Variants in OXR1 observed in about 807,000 individuals in gnomAD.
The protein encoded by OXR1 is oxidation resistance protein 1.
Under a neutral mutation model 104.6 loss-of-function variants are expected in OXR1, and 41 were observed. The observed-to-expected ratio is 0.39, with a 90% CI of 0.31 to 0.51. The LOEUF is 0.51. OXR1 is among the 20% of genes least tolerant of loss of function. The probability of loss-of-function intolerance (pLI) is 0.77; values close to 1 mark genes in which losing one functional copy is unlikely to be tolerated. For missense variants in OXR1, 955 were observed against 1,031.9 expected, an observed-to-expected ratio of 0.93 and a Z score of 1.02; for synonymous variants, 348 against 348.4, an observed-to-expected ratio of 1.00 and a Z score of 0.01.
chr8:106,684,035 T>G (rs1436101567), intron 5 of OXR1, among the ~76,000 whole-genome samples: 1 of 152,218 alleles, frequency 6.6e-6, no homozygotes, highest in African/African-American at 2.4e-5. Context: ...AATTAATGTT[T>G]CCTCACCCTA....
chr8:106,376,956 G>A (rs555612770), intron 2 of OXR1, among the ~76,000 whole-genome samples: 1 of 152,092 alleles, frequency 6.6e-6, no homozygotes, highest in East Asian at 1.9e-4. Flanking sequence ...TATACTAATT[G>A]CTACTTTTTA....
At chr8:106,283,924 G>T (rs553532424) in intron 1 of OXR1, among the ~76,000 whole-genome samples, 81 of 152,112 alleles carry the variant, frequency 5.3e-4, no homozygotes, top group African/African-American at 1.9e-3. Flanking sequence ...AGTGACATCT[G>T]CCAAATCAAA....
At chr8:106,697,768 G>A (rs1224431423) in intron 7 of OXR1, 3 of 1,612,942 alleles carry the variant, frequency 1.9e-6, no homozygotes, top group East Asian at 4.5e-5. Flanking sequence ...CATGGTGGAG[G>A]CCTGGATCTT....
intron 2 of OXR1, among the ~76,000 whole-genome samples, chr8:106,428,707 T>C (rs1319575225): frequency 6.6e-6 from 1 of 152,036 alleles, no homozygotes; most frequent in Non-Finnish European, 1.5e-5. Flanking sequence ...ATTAGAACTT[T>C]GATATATTGG....
At chr8:106,354,534 C>G (rs556983400) in intron 1 of OXR1, among the ~76,000 whole-genome samples, 20 of 152,146 alleles carry the variant, frequency 1.3e-4, no homozygotes, top group African/African-American at 4.8e-4. Context: ...TTTAGTATCC[C>G]CTTTGGAATT....
intron 1 of OXR1, among the ~76,000 whole-genome samples, chr8:106,354,561 C>T (rs954668888): frequency 1.3e-5 from 2 of 152,128 alleles, no homozygotes; most frequent in Non-Finnish European, 2.9e-5. Flanking sequence ...TAATTTTCTG[C>T]AGGCAAGGCA....
At chr8:106,300,708 A>G (rs527529670) in intron 1 of OXR1, among the ~76,000 whole-genome samples, 16 of 152,262 alleles carry the variant, frequency 1.1e-4, no homozygotes, top group Non-Finnish European at 1.6e-4. Context: ...CCTGCTAGGA[A>G]AACCATCATT....
At chr8:106,523,511 G>T (rs1238760100) in intron 3 of OXR1, among the ~76,000 whole-genome samples, 2 of 151,824 alleles carry the variant, frequency 1.3e-5, no homozygotes, top group Non-Finnish European at 2.9e-5. Flanking sequence ...CTTATAGAAT[G>T]GAATATTCTA....
At chr8:106,668,750 T>G (rs1345654467) in intron 3 of OXR1, among the ~76,000 whole-genome samples, 1 of 152,244 alleles carries the variant, frequency 6.6e-6, no homozygotes, top group Non-Finnish European at 1.5e-5. Context: ...TTATATTAGT[T>G]TGACAGATTT....
chr8:106,431,358 C>T (rs988435797), intron 2 of OXR1, among the ~76,000 whole-genome samples: 1 of 152,152 alleles, frequency 6.6e-6, no homozygotes, highest in African/African-American at 2.4e-5. Context: ...ACCTGCAAAA[C>T]TGTAACTCAG....
chr8:106,721,645 G>A (rs1832832390), intron 11 of OXR1, among the ~76,000 whole-genome samples: 1 of 152,040 alleles, frequency 6.6e-6, no homozygotes, highest in Admixed American at 6.6e-5. Flanking sequence ...CTCAATAATT[G>A]AAGTTTAGAT....
chr8:106,458,317 A>G (rs958577722), intron 2 of OXR1, among the ~76,000 whole-genome samples: 2 of 152,056 alleles, frequency 1.3e-5, no homozygotes, highest in Non-Finnish European at 2.9e-5. Flanking sequence ...GGCTGCCCCA[A>G]CTGTGGCTCA....
chr8:106,403,964 GA>G (rs1488336077), intron 2 of OXR1, among the ~76,000 whole-genome samples: 4 of 152,338 alleles, frequency 2.6e-5, no homozygotes, highest in African/African-American at 9.6e-5. Context: ...AGAGATGTGA[GA>G]GGGGGAGGTT....
intron 2 of OXR1, among the ~76,000 whole-genome samples, chr8:106,441,030 G>A (rs1042733900): frequency 4.6e-5 from 7 of 151,844 alleles, no homozygotes; most frequent in African/African-American, 1.4e-4. Flanking sequence ...AGTATCATCT[G>A]CTAGGATTTT....
Position 106,693,268 on chromosome 8 carries a change from A to G in OXR1, c.675+391A>G, listed in dbSNP as rs1160155777. Among the ~76,000 whole-genome samples the G allele has an allele frequency of 2.0e-5, 3 of 152,142 alleles. No homozygotes were observed. In the East Asian group the frequency reaches 5.8e-4, roughly 29 times the overall value. Reference sequence around the variant, plus strand: ...CCTTCTATATGCCAGAGAGTATTTGAGGTATCTTAATTATTTTATCAATTC... The same window carrying G: ...CCTTCTATATGCCAGAGAGTATTTGGGGTATCTTAATTATTTTATCAATTC... On this transcript the variant is annotated intron_variant, in intron 7 of 16. Transcript: ENST00000517566.
chr8:106,346,433 G>C (rs1200086474), intron 1 of OXR1, among the ~76,000 whole-genome samples: 1 of 152,130 alleles, frequency 6.6e-6, no homozygotes, highest in Admixed American at 6.5e-5. Flanking sequence ...ATTTTTCAAG[G>C]AGTCATTGTT....
intron 3 of OXR1, among the ~76,000 whole-genome samples, chr8:106,606,724 C>T (rs188230855): frequency 1.3e-5 from 2 of 152,182 alleles, no homozygotes; most frequent in Admixed American, 1.3e-4. Flanking sequence ...ATCTCACAGT[C>T]AGCTGCAACC....
intron 1 of OXR1, among the ~76,000 whole-genome samples, chr8:106,290,019 C>T (rs1336622296): frequency 6.6e-6 from 1 of 152,162 alleles, no homozygotes; most frequent in Non-Finnish European, 1.5e-5. Context: ...CCCAGCCCTG[C>T]AGAACTGGGA....
chr8:106,344,869 C>G (rs1472073066), intron 1 of OXR1, among the ~76,000 whole-genome samples: 2 of 152,170 alleles, frequency 1.3e-5, no homozygotes, highest in Admixed American at 1.3e-4. Context: ...ATGCCTTTCA[C>G]AATTCTTTTG....
Sources: gnomAD v4.1 joint callset for allele counts (sites outside exome capture counted in the v4.1 genomes callset) on GRCh38, gnomAD v4.1.1 for gene constraint, MANE v1.5 for transcripts, NCBI Gene and HGNC (gene_info 2026-07-23, HGNC 2026-07-21) for gene names.